TAOK3: variants seen among roughly 807,000 people sequenced by gnomAD.
TAOK3 encodes serine/threonine-protein kinase TAO3.
TAOK3 carries 40 observed loss-of-function variants against 120.4 expected under a neutral mutation model. The ratio of observed to expected loss-of-function variants is 0.33; its 90% CI spans 0.26 to 0.43. TAOK3 has a LOEUF of 0.43. Ranked by LOEUF, TAOK3 falls within the 20% of genes least tolerant of loss-of-function variation. The pLI is 1.00. For synonymous variants in TAOK3, 355 were observed against 387.5 expected (o/e 0.92, Z 0.99); for missense variants, 821 against 1,112.1 (o/e 0.74, Z 3.72).
intron 1 of TAOK3, among the ~76,000 whole-genome samples, chr12:118,309,551 T>A (rs1399017134): frequency 6.6e-6 from 1 of 151,868 alleles, no homozygotes; most frequent in African/African-American, 2.4e-5. Context: ...GTCTTGCTCT[T>A]ATCCCCCAGG....
At chr12:118,289,723 G>C (rs2042402526) in intron 1 of TAOK3, among the ~76,000 whole-genome samples, 2 of 152,112 alleles carry the variant, frequency 1.3e-5, no homozygotes, top group South Asian at 4.2e-4. Context: ...GGCCAGGCGT[G>C]GTGGCTCACA....
At chr12:118,190,279 A>G (rs1043440386) in intron 13 of TAOK3, 1 of 178,726 alleles carries the variant, frequency 5.6e-6, no homozygotes, top group Non-Finnish European at 1.2e-5. Flanking sequence ...CTGTAACCAG[A>G]TAATTCCTTT....
chr12:118,163,173 C>T (rs1324485343), intron 17 of TAOK3, among the ~76,000 whole-genome samples: 1 of 152,184 alleles, frequency 6.6e-6, no homozygotes, highest in Non-Finnish European at 1.5e-5. Flanking sequence ...ATGTGGTAGT[C>T]ATCTGCTGCT....
In TAOK3 at chr12:118,199,117, G is replaced by A. The variant is rs913318189; in HGVS notation, c.1128C>T (p.Ser376=). The change falls in exon 13 of 21, where the codon TCC becomes TCT. Residue 376 remains serine, a synonymous_variant. Coordinates refer to ENST00000392533, the MANE Select transcript of TAOK3 (RefSeq NM_016281.4). The part of the protein sequence containing the change: ...SMQEVMDESS[S]ELVMMHDDES... ...CGTCATCGTGCATCATGACAAGTTC[G>A]GAACTGCTCTCGTCCATGACTTCCT... 10 of 1,613,994 alleles carry A rather than the reference G, an allele frequency of 6.2e-6. No homozygotes were observed. In the African/African-American group the frequency reaches 6.7e-5, roughly 11 times the overall value.
chr12:118,316,811 A>G (rs999246343), intron 1 of TAOK3, among the ~76,000 whole-genome samples: 2 of 152,226 alleles, frequency 1.3e-5, no homozygotes, highest in Non-Finnish European at 2.9e-5. Context: ...GGGTATAAAA[A>G]TAACAAAATC....
At chr12:118,178,740 G>A (rs551230095) in intron 15 of TAOK3, among the ~76,000 whole-genome samples, 1 of 152,320 alleles carries the variant, frequency 6.6e-6, no homozygotes, top group South Asian at 2.1e-4. Context: ...TTACAGGCAT[G>A]AGCCATTTTA....
In TAOK3 at chr12:118,357,122, G is replaced by A. The variant is rs532998202; in HGVS notation, c.-194+15526C>T. 7.2e-5 allele frequency among the ~76,000 whole-genome samples: 11 copies of A among 152,292 alleles called. No homozygotes were observed. The South Asian group carries it at 1.7e-3, about 23-fold the overall frequency. On this transcript the variant is annotated intron_variant, in intron 1 of 20. Transcript: ENST00000392533. ...ATACTTCTAAAAATAACTCCCCACT[G>A]TAATTCCCTCCTTATGCATCTGGGC... is the stretch of plus-strand genomic sequence containing the variant.
chr12:118,177,080 A>G lies in TAOK3; in HGVS notation c.1695+121T>C, dbSNP rs539530811. Reference sequence around the variant, plus strand: ...CTGTGCCCGGAAAGCATTTTAGGGTATTCTAATGTAAAGTTTGAGACTCAC... The same window carrying G: ...CTGTGCCCGGAAAGCATTTTAGGGTGTTCTAATGTAAAGTTTGAGACTCAC... On this transcript the variant is annotated intron_variant, in intron 16 of 20. Transcript: ENST00000392533. 6 of 1,093,118 alleles carry G rather than the reference A, an allele frequency of 5.5e-6. No homozygotes were observed. The Admixed American group carries it at 1.3e-4, about 24-fold the overall frequency. 67.7% of individuals were successfully genotyped at this position (1,093,118 alleles called of 1,614,324 possible). A position where few individuals can be genotyped will look rare whatever the true frequency, so the allele number is the denominator to read the frequency against.
intron 1 of TAOK3, among the ~76,000 whole-genome samples, chr12:118,369,688 C>CT (rs2045844087): frequency 2.6e-5 from 4 of 152,042 alleles, no homozygotes. Context: ...TCTAAATACC[C>CT]TTTTGAGTTA....
In TAOK3 at chr12:118,220,494, T is replaced by C. The variant is rs573983334; in HGVS notation, c.644-6384A>G. On this transcript the variant is annotated intron_variant, in intron 9 of 20. Transcript: ENST00000392533. ...TGACAGATACTATTTGATGGCTTCA[T>C]TCACTATTAGAAGGACCAGAACCCT... 7.9e-5 allele frequency among the ~76,000 whole-genome samples: 12 copies of C among 151,782 alleles called. No individual in the cohort carries two copies. In the South Asian group the frequency reaches 2.1e-3, roughly 26 times the overall value.
intron 1 of TAOK3, among the ~76,000 whole-genome samples, chr12:118,362,438 C>T (rs984433041): frequency 6.6e-6 from 1 of 151,786 alleles, no homozygotes; most frequent in Admixed American, 6.6e-5. Flanking sequence ...ATGCAGCCTG[C>T]GGGCTATGGG....
intron 17 of TAOK3, among the ~76,000 whole-genome samples, chr12:118,170,542 A>T (rs942817072): frequency 6.6e-6 from 1 of 152,184 alleles, no homozygotes; most frequent in African/African-American, 2.4e-5. Context: ...CAGGCAGGTC[A>T]CTTGAGCTCA....
intron 5 of TAOK3, 64 bp from the exon 6 acceptor site, chr12:118,239,336 T>C (rs1237719063): frequency 3.3e-6 from 3 of 905,282 alleles, no homozygotes; most frequent in East Asian, 5.2e-5. Flanking sequence ...TGAAACCAAC[T>C]AAACAACCAA....
chr12:118,246,748 G>T lies in TAOK3; in HGVS notation c.121-1783C>A, dbSNP rs1403043185. 4 of 1,570,452 alleles carry T rather than the reference G, an allele frequency of 2.5e-6. No homozygotes were observed. In the African/African-American group the frequency reaches 5.4e-5, roughly 21 times the overall value. Reference sequence around the variant, plus strand: ...CTCATGATGGCTGGTATCGATGACTGCTACACCTCAGCCCGGGGCTGCACT... The same window carrying T: ...CTCATGATGGCTGGTATCGATGACTTCTACACCTCAGCCCGGGGCTGCACT... On this transcript the variant is annotated intron_variant, in intron 3 of 20. Transcript: ENST00000392533.
chr12:118,278,471 T>G lies in TAOK3; in HGVS notation c.-193-11712A>C, dbSNP rs527453081. The stretch of plus-strand genomic sequence containing the variant: ...ATCCATGTTGCTGTAAAGGACATGA[T>G]CTCATTCTTTTTTCATGGCTGCATA... On this transcript the variant is annotated intron_variant, in intron 1 of 20. Transcript: ENST00000392533. 2.6e-5 allele frequency among the ~76,000 whole-genome samples: 4 copies of G among 152,360 alleles called. No homozygotes were observed. The South Asian group carries it at 8.3e-4, about 32-fold the overall frequency.
intron 9 of TAOK3, among the ~76,000 whole-genome samples, chr12:118,223,399 T>G (rs2039345082): frequency 6.6e-6 from 1 of 150,998 alleles, no homozygotes; most frequent in African/African-American, 2.4e-5. Flanking sequence ...CAGGCTGGAG[T>G]ACAATGGCGT....
intron 2 of TAOK3, among the ~76,000 whole-genome samples, chr12:118,258,669 G>C (rs1235797126): frequency 6.6e-6 from 1 of 151,152 alleles, no homozygotes; most frequent in African/African-American, 2.4e-5. Context: ...CCGAGATCGT[G>C]CCACTGCATT....
At chr12:118,202,675 A>T (rs561789052) in intron 11 of TAOK3, among the ~76,000 whole-genome samples, 4 of 152,210 alleles carry the variant, frequency 2.6e-5, no homozygotes, top group African/African-American at 9.6e-5. Flanking sequence ...TATAAGTAAT[A>T]AAAAAATCAC....
chr12:118,309,887 C>G (rs1238344920), intron 1 of TAOK3, among the ~76,000 whole-genome samples: 1 of 152,058 alleles, frequency 6.6e-6, no homozygotes, highest in African/African-American at 2.4e-5. Context: ...ATTATTGTAG[C>G]TCAAAAACCT....
Sources: gnomAD v4.1 joint callset for allele counts (sites outside exome capture counted in the v4.1 genomes callset) on GRCh38, gnomAD v4.1.1 for gene constraint, MANE v1.5 for transcripts, NCBI Gene and HGNC (gene_info 2026-07-23, HGNC 2026-07-21) for gene names.